Variants in DCBLD2 observed in about 807,000 individuals in gnomAD.
The protein encoded by DCBLD2 is discoidin, CUB and LCCL domain-containing protein 2.
In DCBLD2, 54 loss-of-function variants were observed where a neutral mutation model predicts 86.8. The ratio of observed to expected loss-of-function variants is 0.62; its 90% CI spans 0.50 to 0.78. DCBLD2 has a LOEUF of 0.78. Ranked by LOEUF, DCBLD2 falls within the 30% of genes least tolerant of loss-of-function variation. The probability of loss-of-function intolerance (pLI) is 0.00; values close to 1 mark genes in which losing one functional copy is unlikely to be tolerated. For missense variants in DCBLD2, 908 were observed against 954.2 expected, an observed-to-expected ratio of 0.95 and a Z score of 0.64; for synonymous variants, 354 against 341.3, an observed-to-expected ratio of 1.04 and a Z score of -0.41.
At position 98,849,539 on chromosome 3, in the gene DCBLD2, T is replaced by C; in HGVS notation, c.493A>G (p.Ile165Val). The C allele has an allele frequency of 6.2e-7, 1 of 1,613,910 alleles. No homozygotes were observed. ...NHSIESKGNE[I>V]TLLFMSGIHV... Reference sequence around the variant, plus strand: ...ATTCCACTCATGAACAGCAATGTGATTTCATTGCCTTTTGATTCAATTGAA... The same window carrying C: ...ATTCCACTCATGAACAGCAATGTGACTTCATTGCCTTTTGATTCAATTGAA... Residue 165 changes from isoleucine to valine, a missense_variant, in exon 3 of 16, where the codon ATC becomes GTC. By Grantham distance (29) the Ile-to-Val change is conservative. Transcript: ENST00000326840.
At position 98,818,458 on chromosome 3, in the gene DCBLD2, G is replaced by C. The variant is rs567681031; in HGVS notation, c.1088-565C>G. ...ACTGAAACACTACCTTAAAAAAAGA[G>C]TCTCATTACAATGGAAACAAAAAGC... is the stretch of plus-strand genomic sequence containing the variant. On this transcript the variant is annotated intron_variant, in intron 8 of 15. Transcript: ENST00000326840. Among the ~76,000 whole-genome samples, 3 of 152,188 alleles carry C rather than the reference G, an allele frequency of 2.0e-5. No homozygotes were observed. The South Asian group carries it at 6.2e-4, about 32-fold the overall frequency.
chr3:98,884,136 A>G (rs533463934), intron 1 of DCBLD2, among the ~76,000 whole-genome samples: 2 of 152,260 alleles, frequency 1.3e-5, no homozygotes, highest in Admixed American at 1.3e-4. Flanking sequence ...TGTTGAATCC[A>G]TATTAGTATT....
At chr3:98,874,932 C>T (rs1472807297) in intron 2 of DCBLD2, among the ~76,000 whole-genome samples, 1 of 152,170 alleles carries the variant, frequency 6.6e-6, no homozygotes, top group East Asian at 1.9e-4. Flanking sequence ...TTTTTTTAAG[C>T]CACTCGGTCT....
rs755670165 is a variant in DCBLD2, at chr3:98,811,575, A to G, written c.1364-21T>C. ...ACGACCTTGAAAAATGGTTTAGAAAAATTTAAACATTTTGTTTTTAAAAAT... is the reference window on the plus strand; with the variant it reads ...ACGACCTTGAAAAATGGTTTAGAAAGATTTAAACATTTTGTTTTTAAAAAT... On this transcript the variant is annotated intron_variant, in intron 10 of 15. Coordinates refer to ENST00000326840, the MANE Select transcript of DCBLD2 (RefSeq NM_080927.4). The G allele has an allele frequency of 7.1e-6, 11 of 1,550,916 alleles. No individual in the cohort carries two copies. The Admixed American group carries it at 2.0e-4, about 28-fold the overall frequency.
At chr3:98,835,940 T>TTCTTTC (rs1447650956) in intron 3 of DCBLD2, among the ~76,000 whole-genome samples, 25 of 140,082 alleles carry the variant, frequency 1.8e-4, no homozygotes, top group African/African-American at 2.6e-4. Context: ...CTTTCTTTCT[T>TTCTTTC]TTTTTTTTTT....
chr3:98,843,351 G>A (rs1023710966), intron 3 of DCBLD2, among the ~76,000 whole-genome samples: 3 of 152,062 alleles, frequency 2.0e-5, no homozygotes, highest in Non-Finnish European at 4.4e-5. Context: ...ACCAAAATTT[G>A]GAACCCAATA....
intron 3 of DCBLD2, among the ~76,000 whole-genome samples, chr3:98,848,432 C>T (rs1942766143): frequency 6.6e-6 from 1 of 152,166 alleles, no homozygotes; most frequent in Admixed American, 6.5e-5. Context: ...AATGAACATA[C>T]ACATGCTTAT....
intron 2 of DCBLD2, among the ~76,000 whole-genome samples, chr3:98,861,208 A>T (rs374386325): frequency 6.6e-6 from 1 of 152,170 alleles, no homozygotes; most frequent in Non-Finnish European, 1.5e-5. Context: ...AATACAGGAG[A>T]ACCCAGATTC....
chr3:98,853,925 G>A (rs1331931630), intron 2 of DCBLD2, among the ~76,000 whole-genome samples: 1 of 152,170 alleles, frequency 6.6e-6, no homozygotes, highest in African/African-American at 2.4e-5. Context: ...TTTCAGTGGA[G>A]GGAAATGAAG....
In DCBLD2 at chr3:98,809,723, G is replaced by A. The variant is rs565028863; in HGVS notation, c.1576+1471C>T. On this transcript the variant is annotated intron_variant, in intron 12 of 15. Coordinates refer to ENST00000326840, the MANE Select transcript of DCBLD2 (RefSeq NM_080927.4). ...CCTTTCAGAAGGTCAGCCAGCTGGT[G>A]CCACGGGCCCCACTGAGGGAGGACC... 8.5e-5 allele frequency among the ~76,000 whole-genome samples: 13 copies of A among 152,290 alleles called. No homozygotes were observed. The South Asian group carries it at 2.7e-3, about 32-fold the overall frequency.
intron 3 of DCBLD2, among the ~76,000 whole-genome samples, chr3:98,848,811 G>A (rs1026914654): frequency 2.0e-5 from 3 of 152,014 alleles, no homozygotes; most frequent in Non-Finnish European, 4.4e-5. Flanking sequence ...ACTATGAAGT[G>A]GTAAACTGTG....
chr3:98,812,550 A>T, intron 9 of DCBLD2, 68 bp from the exon 10 acceptor site: 1 of 1,444,294 alleles, frequency 6.9e-7, no homozygotes, highest in Non-Finnish European at 9.4e-7. Context: ...TCTCCACTTA[A>T]ACATGTTTTT....
chr3:98,872,807 G>GA (rs1943302420), intron 2 of DCBLD2, among the ~76,000 whole-genome samples: 1 of 151,842 alleles, frequency 6.6e-6, no homozygotes, highest in South Asian at 2.1e-4. Flanking sequence ...AAACAATGTA[G>GA]AAAAAATGAA....
chr3:98,891,077 A>C (rs949977168), intron 1 of DCBLD2, among the ~76,000 whole-genome samples: 1 of 152,004 alleles, frequency 6.6e-6, no homozygotes, highest in African/African-American at 2.4e-5. Context: ...TATAGGGAGT[A>C]AGACAAACAC....
At chr3:98,889,711 C>G (rs757238084) in intron 1 of DCBLD2, among the ~76,000 whole-genome samples, 1 of 152,040 alleles carries the variant, frequency 6.6e-6, no homozygotes, top group African/African-American at 2.4e-5. Flanking sequence ...CTATAAACAC[C>G]TAGCTTCTCA....
intron 2 of DCBLD2, among the ~76,000 whole-genome samples, chr3:98,861,202 C>T (rs1445098448): frequency 6.6e-6 from 1 of 152,168 alleles, no homozygotes; most frequent in African/African-American, 2.4e-5. Context: ...GCAGCCAATA[C>T]AGGAGAACCC....
At chr3:98,899,167 T>G (rs772776292) in intron 1 of DCBLD2, among the ~76,000 whole-genome samples, 1 of 151,956 alleles carries the variant, frequency 6.6e-6, no homozygotes, top group Non-Finnish European at 1.5e-5. Flanking sequence ...AAGAGAAATG[T>G]ATTTGTTAAA....
chr3:98,805,365 T>TA (rs151049328), intron 13 of DCBLD2, among the ~76,000 whole-genome samples: 29 of 152,222 alleles, frequency 1.9e-4, no homozygotes, highest in African/African-American at 5.5e-4. Context: ...GATTTAGAAA[T>TA]AAAAAAATAA....
intron 1 of DCBLD2, among the ~76,000 whole-genome samples, chr3:98,883,194 T>TC (rs1943502515): frequency 2.2e-5 from 3 of 139,250 alleles, no homozygotes; most frequent in Non-Finnish European, 5.1e-5. Context: ...ATTTTTTTCA[T>TC]ATGTTTGTTG....
Sources: gnomAD v4.1 joint callset for allele counts (sites outside exome capture counted in the v4.1 genomes callset) on GRCh38, gnomAD v4.1.1 for gene constraint, MANE v1.5 for transcripts, NCBI Gene and HGNC (gene_info 2026-07-23, HGNC 2026-07-21) for gene names.